The following SPOCK3 variants were observed in gnomAD, a reference collection of about 807,000 sequenced individuals.
SPOCK3 encodes the protein SPARC (osteonectin), cwcv and kazal like domains proteoglycan 3.
A neutral mutation model predicts 56.6 loss-of-function variants in SPOCK3; 30 were observed. The observed-to-expected ratio is 0.53, with a 90% confidence interval of 0.40 to 0.72. The LOEUF (loss-of-function observed/expected upper bound fraction) is 0.72, where lower values mean the gene tolerates loss of function less well. Among genes scored for constraint, SPOCK3 ranks in the 30% least tolerant of loss-of-function variants. SPOCK3 has a pLI of 0.00. For synonymous variants in SPOCK3, 196 were observed against 183.3 expected, an observed-to-expected ratio of 1.07 and a Z score of -0.56; for missense variants, 527 against 530.0, an observed-to-expected ratio of 0.99 and a Z score of 0.06.
chr4:167,212,558 C>CCT (rs1291627361), intron 2 of SPOCK3, among the ~76,000 whole-genome samples: 11 of 152,138 alleles, frequency 7.2e-5, no homozygotes, highest in African/African-American at 2.6e-4. Flanking sequence ...TATTCTTATA[C>CCT]CTCTGAATAT....
intron 2 of SPOCK3, among the ~76,000 whole-genome samples, chr4:167,180,003 A>C (rs977176991): frequency 1.5e-4 from 23 of 152,170 alleles, no homozygotes; most frequent in Non-Finnish European, 2.9e-4. Context: ...TACTGCAAGA[A>C]GGGAATGTGG....
At chr4:167,163,314 G>T (rs1290619902) in intron 2 of SPOCK3, among the ~76,000 whole-genome samples, 1 of 151,140 alleles carries the variant, frequency 6.6e-6, no homozygotes, top group Non-Finnish European at 1.5e-5. Flanking sequence ...ATTTTTATGG[G>T]TACATAGTAG....
intron 2 of SPOCK3, among the ~76,000 whole-genome samples, chr4:167,209,491 C>T (rs1734659797): frequency 6.6e-6 from 1 of 152,004 alleles, no homozygotes; most frequent in African/African-American, 2.4e-5. Flanking sequence ...ATCATGTTTT[C>T]TGTGTTTGGA....
At chr4:167,213,219 T>C (rs894136818) in intron 2 of SPOCK3, among the ~76,000 whole-genome samples, 2 of 152,220 alleles carry the variant, frequency 1.3e-5, no homozygotes, top group African/African-American at 4.8e-5. Flanking sequence ...CAACTTAATG[T>C]TTTATTTTTG....
At chr4:167,215,966 A>G (rs921483359) in intron 2 of SPOCK3, among the ~76,000 whole-genome samples, 1 of 152,146 alleles carries the variant, frequency 6.6e-6, no homozygotes, top group African/African-American at 2.4e-5. Context: ...TGAGCATGGA[A>G]TTGAAGAAAG....
At chr4:167,008,024 A>G (rs1489156846) in intron 3 of SPOCK3, among the ~76,000 whole-genome samples, 1 of 152,196 alleles carries the variant, frequency 6.6e-6, no homozygotes, top group Admixed American at 6.6e-5. Flanking sequence ...CAGTGCTAAT[A>G]AAATGTGCAT....
At chr4:167,218,511 A>G (rs986297475) in intron 2 of SPOCK3, among the ~76,000 whole-genome samples, 2 of 152,186 alleles carry the variant, frequency 1.3e-5, no homozygotes, top group African/African-American at 4.8e-5. Flanking sequence ...CAAACAAAGC[A>G]GTTCTGAAAT....
At position 167,206,064 on chromosome 4, in the gene SPOCK3, A is replaced by G. The variant is rs1049490020; in HGVS notation, c.189+27921T>C. Among the ~76,000 whole-genome samples the G allele has an allele frequency of 4.6e-5, 7 of 152,074 alleles. 1 individual carries two copies. The highest frequency in any genetic ancestry group is 9.7e-5 in the African/African-American group (4 of 41,416). ...CCTATAATTTTAGATTTTTTAAAGA[A>G]GTATGTTTATGAACTTTGGGAGGAC... On this transcript the variant is annotated intron_variant, in intron 2 of 10. Coordinates refer to ENST00000357545, the MANE Select transcript of SPOCK3 (RefSeq NM_001040159.2).
intron 6 of SPOCK3, among the ~76,000 whole-genome samples, chr4:166,794,544 G>A (rs1741699664): frequency 6.6e-6 from 1 of 150,670 alleles, no homozygotes; most frequent in African/African-American, 2.4e-5. Flanking sequence ...ATGTTCAAAA[G>A]TCAACAAAAA....
At chr4:167,138,615 A>T (rs924537621) in intron 2 of SPOCK3, among the ~76,000 whole-genome samples, 9 of 151,960 alleles carry the variant, frequency 5.9e-5, no homozygotes, top group African/African-American at 2.2e-4. Flanking sequence ...GTAAATAAAA[A>T]TATAAATAAG....
intron 4 of SPOCK3, among the ~76,000 whole-genome samples, chr4:166,960,141 T>G (rs1743985351): frequency 6.6e-6 from 1 of 152,156 alleles, no homozygotes; most frequent in South Asian, 2.1e-4. Flanking sequence ...AAAAGTAAAA[T>G]CCCTTGATAA....
intron 2 of SPOCK3, among the ~76,000 whole-genome samples, chr4:167,164,609 A>T (rs956989572): frequency 1.4e-5 from 2 of 147,034 alleles, no homozygotes; most frequent in Non-Finnish European, 3.0e-5. Flanking sequence ...ACCCCCACAC[A>T]GGCCCCGGTG....
At position 166,748,589 on chromosome 4, in the gene SPOCK3, G is replaced by A. The variant is rs964965400; in HGVS notation, c.931+5919C>T. 2.9e-5 allele frequency among the ~76,000 whole-genome samples: 4 copies of A among 136,806 alleles called. 1 individual carries two copies. Among genetic ancestry groups the A allele is most frequent in the Non-Finnish European group, 6.2e-5 (4 of 64,572 alleles). The allele number at this position is 136,806 out of a possible 152,430, so 89.8% of individuals were successfully genotyped here. Reference sequence around the variant, plus strand: ...ACATAGGCATGGGCAAAGACTTCATGTCTAAAACACCAAAAGCAATGGCAA... The same window carrying A: ...ACATAGGCATGGGCAAAGACTTCATATCTAAAACACCAAAAGCAATGGCAA... On this transcript the variant is annotated intron_variant, in intron 8 of 10. Transcript: ENST00000357545.
intron 2 of SPOCK3, among the ~76,000 whole-genome samples, chr4:167,232,397 T>C: frequency 6.6e-6 from 1 of 151,578 alleles, no homozygotes. Context: ...GCAACCAGTA[T>C]TACCTACTAA....
intron 2 of SPOCK3, among the ~76,000 whole-genome samples, chr4:167,064,503 A>G (rs929491491): frequency 6.6e-6 from 1 of 151,924 alleles, no homozygotes; most frequent in Admixed American, 6.6e-5. Context: ...GAGCTGAGCA[A>G]CGTAACATAC....
intron 4 of SPOCK3, among the ~76,000 whole-genome samples, chr4:166,915,914 A>G (rs1737797266): frequency 6.6e-6 from 1 of 152,212 alleles, no homozygotes; most frequent in South Asian, 2.1e-4. Context: ...TAATGAAGTA[A>G]AAAACCTAAG....
intron 4 of SPOCK3, among the ~76,000 whole-genome samples, chr4:166,994,922 T>A (rs981065974): frequency 6.6e-6 from 1 of 152,164 alleles, no homozygotes; most frequent in Non-Finnish European, 1.5e-5. Context: ...TGAGAAACAG[T>A]ACATTAGGCA....
At chr4:166,947,973 A>C (rs990911470) in intron 4 of SPOCK3, among the ~76,000 whole-genome samples, 3 of 152,076 alleles carry the variant, frequency 2.0e-5, no homozygotes, top group Non-Finnish European at 2.9e-5. Context: ...ATTTCTCCCA[A>C]CTAACTGTAA....
intron 3 of SPOCK3, among the ~76,000 whole-genome samples, chr4:167,036,404 T>C (rs1260469559): frequency 2.0e-5 from 3 of 152,160 alleles, no homozygotes. Flanking sequence ...AACTGCAGCC[T>C]TGTGCCCAGT....
Sources: gnomAD v4.1 joint callset for allele counts (sites outside exome capture counted in the v4.1 genomes callset) on GRCh38, gnomAD v4.1.1 for gene constraint, MANE v1.5 for transcripts, NCBI Gene and HGNC (gene_info 2026-07-23, HGNC 2026-07-21) for gene names.